Variants in SYNE2 observed in about 807,000 individuals in gnomAD.
The protein encoded by SYNE2 is spectrin repeat containing nuclear envelope protein 2.
A neutral mutation model predicts 856.3 loss-of-function variants in SYNE2; 431 were observed. That is an observed-to-expected ratio of 0.50 (90% CI 0.47 to 0.55). The LOEUF (loss-of-function observed/expected upper bound fraction) is 0.55, where lower values mean the gene tolerates loss of function less well. Among genes scored for constraint, SYNE2 ranks in the 20% least tolerant of loss-of-function variants. The pLI is 0.00. For synonymous variants in SYNE2, 2,923 were observed against 2,872.3 expected, an observed-to-expected ratio of 1.02 and a Z score of -0.56; for missense variants, 8,129 against 8,023.2, an observed-to-expected ratio of 1.01 and a Z score of -0.50.
Position 64,012,577 on chromosome 14 carries a change from G to A in SYNE2, c.4728+2461G>A, listed in dbSNP as rs145492708. On this transcript the variant is annotated intron_variant, in intron 32 of 115. Transcript: ENST00000555002. ...TGTACTCCTTACTCAACTGCAAAAGGTATTTTTAAAATTAATAAAATAATT... is the reference window on the plus strand; with the variant it reads ...TGTACTCCTTACTCAACTGCAAAAGATATTTTTAAAATTAATAAAATAATT... Among the ~76,000 whole-genome samples, 1,117 of 152,132 alleles carry A rather than the reference G, an allele frequency of 7.3e-3. 21 individuals are homozygous for A. Among genetic ancestry groups the A allele is most frequent in the African/African-American group, 0.026 (1,064 of 41,480 alleles).
intron 1 of SYNE2, among the ~76,000 whole-genome samples, chr14:63,776,215 C>G (rs914925395): frequency 6.6e-6 from 1 of 152,096 alleles, no homozygotes; most frequent in Non-Finnish European, 1.5e-5. Flanking sequence ...TTGCATGAAC[C>G]CTTAAGCAAT....
At chr14:63,827,459 T>C (rs1243748643) in intron 1 of SYNE2, among the ~76,000 whole-genome samples, 1 of 150,832 alleles carries the variant, frequency 6.6e-6, no homozygotes, top group Non-Finnish European at 1.5e-5. Flanking sequence ...ACCCTGTCTC[T>C]ACTAAAAATA....
At chr14:64,177,635 C>G (rs923149614) in intron 96 of SYNE2, 152 bp downstream of exon 96, 2 of 1,048,428 alleles carry the variant, frequency 1.9e-6, no homozygotes, top group African/African-American at 3.2e-5. Context: ...ATGCTCGTCT[C>G]TTAAGGAATT....
chr14:64,034,463 CT>C (rs2097069745), intron 45 of SYNE2: 1 of 475,586 alleles, frequency 2.1e-6, no homozygotes, highest in South Asian at 4.1e-5. Flanking sequence ...ATTTCTTTTA[CT>C]TTTTCTTTAG....
At chr14:63,990,159 A>T (rs894352671) in intron 19 of SYNE2, among the ~76,000 whole-genome samples, 1 of 152,172 alleles carries the variant, frequency 6.6e-6, no homozygotes, top group African/African-American at 2.4e-5. Context: ...TTCTATTGTC[A>T]TTGTATTACT....
chr14:63,893,210 A>G lies in SYNE2; in HGVS notation c.-51-15888A>G, dbSNP rs79738023. 1.1e-3 allele frequency among the ~76,000 whole-genome samples: 165 copies of G among 152,300 alleles called. 2 individuals are homozygous for G. The East Asian group carries it at 0.015, about 14-fold the overall frequency. On this transcript the variant is annotated intron_variant, in intron 1 of 115. Transcript: ENST00000555002. ...CACTAAATTCTTTAAAAAAAAAGAAAAAGAAAAAAATTTAATAGAAGGGCT... is the reference window on the plus strand; with the variant it reads ...CACTAAATTCTTTAAAAAAAAAGAAGAAGAAAAAAATTTAATAGAAGGGCT...
chr14:64,120,978 C>T lies in SYNE2; in HGVS notation c.13075C>T (p.Gln4359Ter). 4 of 1,614,128 alleles carry T rather than the reference C, an allele frequency of 2.5e-6. No homozygotes were observed. Among genetic ancestry groups the T allele is most frequent in the Non-Finnish European group, 3.4e-6 (4 of 1,180,000 alleles). Residue 4359 changes from glutamine (Q) to a stop codon, truncating the protein, a stop_gained, in exon 68 of 116, where the codon CAA becomes TAA. Coordinates refer to ENST00000555002, the MANE Select transcript of SYNE2 (RefSeq NM_182914.3). LOFTEE classifies it high-confidence loss of function. ...SSEPEHQEALQPVNLSELESI... is the reference protein window; with the variant it reads ...SSEPEHQEAL ...AGAGCCAGAGCATCAAGAAGCTCTC[C>T]AACCAGTTAACCTTTCTGAATTGGA...
intron 61 of SYNE2, among the ~76,000 whole-genome samples, chr14:64,095,574 G>A (rs1453839994): frequency 1.3e-5 from 2 of 151,974 alleles, no homozygotes; most frequent in African/African-American, 4.8e-5. Context: ...AGTATTTAAG[G>A]AAAGCAATAC....
intron 2 of SYNE2, among the ~76,000 whole-genome samples, chr14:63,936,116 G>T (rs556304425): frequency 2.0e-5 from 3 of 152,122 alleles, no homozygotes; most frequent in African/African-American, 7.2e-5. Context: ...CTTGTGATCC[G>T]CCCACCTTGG....
intron 8 of SYNE2, chr14:63,960,775 C>T (rs1013253196): frequency 3.9e-6 from 3 of 763,688 alleles, no homozygotes; most frequent in South Asian, 2.7e-5. Flanking sequence ...ATTTATATGC[C>T]TGGCACAGTG....
At chr14:64,127,220 G>A (rs966194113) in intron 73 of SYNE2, among the ~76,000 whole-genome samples, 5 of 151,706 alleles carry the variant, frequency 3.3e-5, no homozygotes, top group Non-Finnish European at 4.4e-5. Flanking sequence ...GAGATCACAC[G>A]ACTGCACTCC....
rs774928429 is a variant in SYNE2, at chr14:64,053,015, A to G, written c.9102A>G (p.Lys3034=). 1.2e-6 allele frequency: 2 copies of G among 1,612,234 alleles called. No homozygotes were observed. Among genetic ancestry groups the G allele is most frequent in the African/African-American group, 2.7e-5 (2 of 74,952 alleles). ...AAAAAGAAAAGGAACTTGAAGAAAA[A>G]ATTAAGCAGTTGGACACATTTGAGG... ...VFEKEKELEE[K]IKQLDTFEEE... The change falls in exon 48 of 116, where the codon AAA becomes AAG. Residue 3034 remains lysine, a synonymous_variant. Transcript: ENST00000555002.
At position 64,224,465 on chromosome 14, in the gene SYNE2, C is replaced by T. The variant is rs2098709265; in HGVS notation, c.20387C>T (p.Pro6796Leu). The change falls in exon 114 of 116, where the codon CCA (proline) becomes CTA (leucine). Residue 6796 changes from proline (P) to leucine (L), a missense_variant. Physicochemically the swap from Pro to Leu is moderately conservative, Grantham distance 98. Coordinates refer to ENST00000555002, the MANE Select transcript of SYNE2 (RefSeq NM_182914.3). ...CCTTTGGGGTCTGAATTTCAGAACC[C>T]AGCCTCACCCCTGCCCAGCTTCGAC... Reference protein sequence around the residue: ...DLMALQGTQNPASPLPSFDEV... With the variant: ...DLMALQGTQNLASPLPSFDEV... 6.2e-7 allele frequency: 1 copy of T among 1,610,850 alleles called. No homozygotes were observed. Among genetic ancestry groups the T allele is most frequent in the Non-Finnish European group, 8.5e-7 (1 of 1,178,166 alleles).
chr14:63,792,841 A>G (rs1887783927), intron 1 of SYNE2, among the ~76,000 whole-genome samples: 2 of 151,778 alleles, frequency 1.3e-5, no homozygotes, highest in Non-Finnish European at 2.9e-5. Flanking sequence ...TACCATGCCC[A>G]GATAATTTTT....
chr14:64,177,549 T>G, intron 96 of SYNE2, 66 bp downstream of exon 96: 1 of 1,598,870 alleles, frequency 6.3e-7, no homozygotes, highest in South Asian at 1.1e-5. Flanking sequence ...TTGAAGTGCT[T>G]CTTTGCCTCT....
intron 1 of SYNE2, among the ~76,000 whole-genome samples, chr14:63,839,008 A>T (rs1280441289): frequency 1.3e-5 from 2 of 151,900 alleles, no homozygotes; most frequent in African/African-American, 4.8e-5. Flanking sequence ...TCATATCCTC[A>T]CCAATGCTTA....
chr14:64,137,019 TC>T (rs1375345212), intron 78 of SYNE2, among the ~76,000 whole-genome samples: 1 of 152,188 alleles, frequency 6.6e-6, no homozygotes, highest in Admixed American at 6.5e-5. Flanking sequence ...TGCTAGGTCT[TC>T]CAGTTTTCCC....
intron 9 of SYNE2, among the ~76,000 whole-genome samples, chr14:63,961,976 G>T (rs1052977642): frequency 2.0e-5 from 3 of 151,504 alleles, no homozygotes; most frequent in Admixed American, 6.6e-5. Flanking sequence ...TAAGACAAAT[G>T]AAGTTAAGCT....
chr14:64,198,530 G>C (rs1212142828), intron 99 of SYNE2, among the ~76,000 whole-genome samples: 1 of 152,180 alleles, frequency 6.6e-6, no homozygotes, highest in Non-Finnish European at 1.5e-5. Context: ...AGATTCCCAG[G>C]CATTTGGAGG....
Sources: gnomAD v4.1 joint callset for allele counts (sites outside exome capture counted in the v4.1 genomes callset) on GRCh38, gnomAD v4.1.1 for gene constraint, MANE v1.5 for transcripts, NCBI Gene and HGNC (gene_info 2026-07-23, HGNC 2026-07-21) for gene names.